PKMYT1: variants seen among roughly 807,000 people sequenced by gnomAD.
PKMYT1 encodes the protein membrane-associated tyrosine- and threonine-specific cdc2-inhibitory kinase.
A neutral mutation model predicts 49.7 loss-of-function variants in PKMYT1; 35 were observed. The observed-to-expected ratio is 0.70, with a 90% confidence interval of 0.54 to 0.93. The LOEUF (loss-of-function observed/expected upper bound fraction) is 0.93. PKMYT1 is among the 40% of genes least tolerant of loss of function. The probability of loss-of-function intolerance (pLI) is 0.00; values close to 1 mark genes in which losing one functional copy is unlikely to be tolerated. For synonymous variants in PKMYT1, 331 were observed against 287.6 expected (o/e 1.15, Z -1.53); for missense variants, 677 against 673.1 (o/e 1.01, Z -0.06).
chr16:2,974,738 G>A (rs2072135991), intron 4 of PKMYT1, 82 bp from the exon 5 acceptor site: 2 of 851,054 alleles, frequency 2.4e-6, no homozygotes, highest in Non-Finnish European at 3.8e-6. Flanking sequence ...TCTTGGAGGT[G>A]GGTGGGAGAG....
At chr16:2,973,606 T>C (rs2072080131) in intron 7 of PKMYT1, 2 of 487,208 alleles carry the variant, frequency 4.1e-6, no homozygotes, top group Non-Finnish European at 7.0e-6. Context: ...GGTTTCCTAA[T>C]TACAGCCTCT....
chr16:2,976,728 A>G lies in PKMYT1; in HGVS notation c.314T>C (p.Phe105Ser). Residue 105 changes from phenylalanine to serine, a missense_variant, in exon 3 of 9, where the codon TTC becomes TCC. Phe to Ser is a radical substitution (Grantham distance 155, BLOSUM62 -2). Coordinates refer to ENST00000262300, the MANE Select transcript of PKMYT1 (RefSeq NM_004203.5). ...PGYDPSRPES[F>S]FQQSFQRLSR... ...GAGCCTCTGGAAGCTCTGCTGGAAG[A>G]AGGACTCTGGCCGGCTTGGGTCATA... The G allele has an allele frequency of 2.0e-6, 3 of 1,498,762 alleles. No homozygotes were observed. The South Asian group carries it at 4.1e-5, about 21-fold the overall frequency. 92.8% of individuals were successfully genotyped at this position (1,498,762 alleles called of 1,614,324 possible).
At chr16:2,975,040 G>C (rs574082694) in intron 4 of PKMYT1, among the ~76,000 whole-genome samples, 7 of 152,218 alleles carry the variant, frequency 4.6e-5, no homozygotes, top group Non-Finnish European at 1.0e-4. Context: ...AGTGGGCTCC[G>C]GCAAGGCCCT....
chr16:2,975,289 G>A (rs1159838267), intron 4 of PKMYT1, 30 bp downstream of exon 4: 8 of 1,571,076 alleles, frequency 5.1e-6, no homozygotes, highest in Non-Finnish European at 6.9e-6. Flanking sequence ...CCCACAGCCT[G>A]CCAAACACCT....
intron 2 of PKMYT1, 91 bp from the exon 3 acceptor site, chr16:2,977,122 CTA>C: frequency 6.4e-7 from 1 of 1,560,748 alleles, no homozygotes; most frequent in Non-Finnish European, 8.6e-7. Flanking sequence ...CAGAAGAGAG[CTA>C]TGTCTATACC....
intron 5 of PKMYT1, 27 bp downstream of exon 5, chr16:2,974,523 C>G (rs776993917): frequency 2.9e-5 from 45 of 1,533,180 alleles, no homozygotes; most frequent in Non-Finnish European, 3.9e-5. Flanking sequence ...CCCGTGGCAG[C>G]ACCCCCTCCC....
intron 4 of PKMYT1, 116 bp downstream of exon 4, chr16:2,975,203 G>A (rs1054201213): frequency 7.9e-7 from 1 of 1,260,822 alleles, no homozygotes; most frequent in African/African-American, 1.5e-5. Flanking sequence ...CAGCCTTGTG[G>A]CTCTGAGGCC....
chr16:2,974,467 C>G, intron 5 of PKMYT1, 50 bp from the exon 6 acceptor site: 1 of 1,567,546 alleles, frequency 6.4e-7, no homozygotes, highest in Admixed American at 1.8e-5. Context: ...CGACTGCACC[C>G]TGAGCCCAGC....
intron 3 of PKMYT1, 126 bp from the exon 4 acceptor site, chr16:2,975,938 CT>C (rs1225801838): frequency 1.2e-5 from 12 of 988,090 alleles, no homozygotes; most frequent in Non-Finnish European, 1.5e-6. Context: ...TAGCTGGCAT[CT>C]GTCTCAGACC....
In PKMYT1 at chr16:2,973,175, C is replaced by T; in HGVS notation, c.1351G>A (p.Gly451Arg). The part of the protein sequence containing the change: ...SPEAVLARTV[G>R]STSTPRSRCT... ...CTGCTCCGGGGGGTGGAGGTGCTCC[C>T]CACAGTCCGGGCCAGGACAGCCTCA... Residue 451 changes from glycine to arginine, a missense_variant, in exon 8 of 9, where the codon GGG becomes AGG. Coordinates refer to ENST00000262300, the MANE Select transcript of PKMYT1 (RefSeq NM_004203.5). 1 of 1,531,784 alleles carries T rather than the reference C, an allele frequency of 6.5e-7. No homozygotes were observed. The highest frequency in any genetic ancestry group is 8.8e-7 in the Non-Finnish European group (1 of 1,133,690). The allele number at this position is 1,531,784 out of a possible 1,614,324, so 94.9% of individuals were successfully genotyped here.
Position 2,974,054 on chromosome 16 carries a change from C to A in PKMYT1, c.1256G>T (p.Cys419Phe). 6.2e-7 allele frequency: 1 copy of A among 1,612,382 alleles called. No individual in the cohort carries two copies. The highest frequency in any genetic ancestry group is 8.5e-7 in the Non-Finnish European group (1 of 1,179,788). ...GAGGCTGCTGTCCAGGAGCAAACTG[C>A]AGGGTGGTGAGCCAGGCGGGGTGGC... is the stretch of plus-strand genomic sequence containing the variant. ...PPATPPGSPP[C>F]SLLLDSSLSS... is the part of the protein sequence containing the mutation. The change falls in exon 7 of 9, where the codon TGC becomes TTC. Residue 419 changes from cysteine (C) to phenylalanine (F), a missense_variant. Coordinates refer to ENST00000262300, the MANE Select transcript of PKMYT1 (RefSeq NM_004203.5).
At chr16:2,974,713 C>T (rs1048861224) in intron 4 of PKMYT1, 57 bp from the exon 5 acceptor site, 2 of 1,146,666 alleles carry the variant, frequency 1.7e-6, no homozygotes, top group Non-Finnish European at 2.5e-6. Flanking sequence ...GACACAGACC[C>T]AGTCCAGGGC....
At chr16:2,976,202 C>A in intron 3 of PKMYT1, 1 of 237,866 alleles carries the variant, frequency 4.2e-6, no homozygotes. Context: ...TGTCTTCATA[C>A]AGGACTCATA....
intron 7 of PKMYT1, chr16:2,973,577 C>G (rs905757901): frequency 2.5e-5 from 16 of 647,312 alleles, no homozygotes; most frequent in African/African-American, 3.7e-5. Context: ...TCCCCAAGAG[C>G]TGTCTGCCCT....
At chr16:2,974,946 A>G (rs1229790823) in intron 4 of PKMYT1, among the ~76,000 whole-genome samples, 2 of 152,214 alleles carry the variant, frequency 1.3e-5, no homozygotes, top group Non-Finnish European at 2.9e-5. Flanking sequence ...AGGTATTACT[A>G]TCCTGATGAT....
chr16:2,973,463 A>G (rs1019518307), intron 7 of PKMYT1: 51 of 1,511,534 alleles, frequency 3.4e-5, no homozygotes, highest in Non-Finnish European at 4.3e-5. Context: ...GCAGATTTGA[A>G]ATAAACTTTT....
At chr16:2,973,487 C>T (rs878996656) in intron 7 of PKMYT1, 7 of 1,454,474 alleles carry the variant, frequency 4.8e-6, no homozygotes, top group Middle Eastern at 1.8e-4. Context: ...AAATGTAAGC[C>T]TTTCTGGAAC....
intron 1 of PKMYT1, 75 bp from the exon 2 acceptor site, chr16:2,979,987 G>A: frequency 2.5e-6 from 1 of 400,436 alleles, no homozygotes; most frequent in East Asian, 4.8e-5. Flanking sequence ...CTGTCCCGGG[G>A]CAGGGGCTGT....
At chr16:2,975,888 G>A in intron 3 of PKMYT1, 76 bp from the exon 4 acceptor site, 1 of 1,493,242 alleles carries the variant, frequency 6.7e-7, no homozygotes. Context: ...GGACAACCTG[G>A]CAGACCCCAT....
Sources: allele counts gnomAD v4.1 joint callset (sites outside exome capture counted in the v4.1 genomes callset), GRCh38; gene constraint gnomAD v4.1.1; transcripts MANE v1.5; gene names NCBI Gene and HGNC (gene_info 2026-07-23, HGNC 2026-07-21).